RTL4: variants seen among roughly 807,000 people sequenced by gnomAD.
The protein encoded by RTL4 is retrotransposon Gag like 4, also known as retrotransposon Gag-like protein 4.
A neutral mutation model predicts 5.3 loss-of-function variants in RTL4; 4 were observed. The observed-to-expected ratio is 0.75, with a 90% confidence interval of 0.37 to 1.72. The LOEUF is 1.72. Among genes scored for constraint, RTL4 ranks in the 40% most tolerant of loss-of-function variants. The probability of loss-of-function intolerance (pLI) is 0.04; values close to 1 mark genes in which losing one functional copy is unlikely to be tolerated. For synonymous variants in RTL4, 98 were observed against 87.3 expected, an observed-to-expected ratio of 1.12 and a Z score of -0.68; for missense variants, 260 against 227.1, an observed-to-expected ratio of 1.14 and a Z score of -0.93.
At chrX:112,358,928 G>A in the RTL4 span, among the ~76,000 whole-genome samples, 2 of 111,325 alleles carry the variant, frequency 1.8e-5, no homozygotes, top group East Asian at 2.9e-4. Flanking sequence ...TAGAATCAAC[G>A]CCGTCCAAAC....
the RTL4 span, among the ~76,000 whole-genome samples, chrX:112,419,676 G>A: frequency 3.0e-5 from 1 of 33,747 alleles, no homozygotes; most frequent in Non-Finnish European, 7.2e-5. Context: ...CCCCAATCAG[G>A]TGACAGGCAT....
chrX:112,181,076 C>G, the RTL4 span, among the ~76,000 whole-genome samples: 5,922 of 111,305 alleles, frequency 0.053, 410 homozygotes, highest in African/African-American at 0.18. Context: ...AAGTGCAAGG[C>G]GTCAGGGAAC....
At chrX:112,278,178 G>C in the RTL4 span, among the ~76,000 whole-genome samples, 9 of 112,324 alleles carry the variant, frequency 8.0e-5, no homozygotes, top group Non-Finnish European at 1.7e-4. Context: ...ACATTCACCA[G>C]TTGCATATGT....
chrX:112,297,596 C>T, the RTL4 span, among the ~76,000 whole-genome samples: 76 of 111,425 alleles, frequency 6.8e-4, no homozygotes, highest in African/African-American at 2.3e-3. Context: ...ACCTCCAACA[C>T]TCAGAATCAC....
At chrX:112,262,938 G>A in the RTL4 span, among the ~76,000 whole-genome samples, 9 of 94,350 alleles carry the variant, frequency 9.5e-5, no homozygotes, top group East Asian at 3.1e-4. Context: ...GCAAACTATC[G>A]CAAGGACAAA....
At chrX:112,221,773 G>T in the RTL4 span, among the ~76,000 whole-genome samples, 3 of 112,017 alleles carry the variant, frequency 2.7e-5, no homozygotes, top group Non-Finnish European at 5.6e-5. Context: ...AAGGGGTAAC[G>T]GACTAACAAA....
the RTL4 span, among the ~76,000 whole-genome samples, chrX:112,143,962 G>A: frequency 8.9e-6 from 1 of 112,385 alleles, no homozygotes; most frequent in Non-Finnish European, 1.9e-5. Flanking sequence ...TGCATACACT[G>A]TGAAATAATT....
At chrX:112,440,060 G>T in the RTL4 span, among the ~76,000 whole-genome samples, 3,522 of 111,590 alleles carry the variant, frequency 0.032, 57 homozygotes, top group Non-Finnish European at 0.051. Context: ...GGAAGAAAGA[G>T]GAACACAAAT....
the RTL4 span, among the ~76,000 whole-genome samples, chrX:112,387,063 G>A: frequency 9.0e-6 from 1 of 110,829 alleles, no homozygotes; most frequent in African/African-American, 3.3e-5. Context: ...AAGGAGTAAG[G>A]TGGTATCGCA....
At chrX:112,156,778 C>T in the RTL4 span, among the ~76,000 whole-genome samples, 8 of 111,288 alleles carry the variant, frequency 7.2e-5, no homozygotes, top group Non-Finnish European at 1.5e-4. Context: ...CACAGCCTAG[C>T]GACTCAGTCT....
At chrX:112,190,306 A>G in the RTL4 span, among the ~76,000 whole-genome samples, 1 of 109,047 alleles carries the variant, frequency 9.2e-6, no homozygotes, top group African/African-American at 3.3e-5. Flanking sequence ...TTGACCATGT[A>G]TGATTGAAGC....
At chrX:112,385,048 C>G in the RTL4 span, among the ~76,000 whole-genome samples, 1 of 110,940 alleles carries the variant, frequency 9.0e-6, no homozygotes, top group South Asian at 3.8e-4. Context: ...GTGATTTTTG[C>G]ACATTTATTT....
chrX:112,452,264 T>A (rs1250119441), upstream of RTL4, among the ~76,000 whole-genome samples: 1 of 98,922 alleles, frequency 1.0e-5, no homozygotes, highest in African/African-American at 3.7e-5. Flanking sequence ...CTAATTTTTT[T>A]TTTTTTTTTT....
chrX:112,327,264 T>C, the RTL4 span, among the ~76,000 whole-genome samples: 1 of 110,929 alleles, frequency 9.0e-6, no homozygotes. Context: ...TTGAAAAAAA[T>C]TTGGAAGAAT....
At chrX:112,345,122 G>GA in the RTL4 span, among the ~76,000 whole-genome samples, 28 of 111,292 alleles carry the variant, frequency 2.5e-4, no homozygotes, top group Admixed American at 6.7e-4. Flanking sequence ...CACCATGCAA[G>GA]GGGTGGTCTG....
At chrX:112,361,494 T>C in the RTL4 span, among the ~76,000 whole-genome samples, 1 of 111,360 alleles carries the variant, frequency 9.0e-6, no homozygotes, top group African/African-American at 3.3e-5. Flanking sequence ...GACTGAGAAT[T>C]CTAGGCTATG....
the RTL4 span, among the ~76,000 whole-genome samples, chrX:112,132,878 C>T: frequency 2.7e-5 from 3 of 112,419 alleles, no homozygotes; most frequent in South Asian, 1.1e-3. Context: ...TTATACACTC[C>T]AGTGCCCACT....
chrX:112,357,197 C>T, the RTL4 span, among the ~76,000 whole-genome samples: 1 of 110,282 alleles, frequency 9.1e-6, no homozygotes, highest in Non-Finnish European at 1.9e-5. Context: ...ATAAAGAAGA[C>T]TTTCAGTACC....
At chrX:112,432,696 A>C in the RTL4 span, among the ~76,000 whole-genome samples, 1 of 95,838 alleles carries the variant, frequency 1.0e-5, no homozygotes, top group Non-Finnish European at 2.1e-5. Context: ...GTTCACTCTG[A>C]TGGTAGTTTC....
Sources: allele counts gnomAD v4.1 joint callset (sites outside exome capture counted in the v4.1 genomes callset), GRCh38; gene constraint gnomAD v4.1.1; transcripts MANE v1.5; gene names NCBI Gene and HGNC (gene_info 2026-07-23, HGNC 2026-07-21).